SLC5A12: variants seen among roughly 807,000 people sequenced by gnomAD.
SLC5A12 encodes the protein sodium-coupled monocarboxylate transporter 2.
A neutral mutation model predicts 72.7 loss-of-function variants in SLC5A12; 46 were observed. The ratio of observed to expected loss-of-function variants is 0.63; its 90% CI spans 0.50 to 0.81. The LOEUF (loss-of-function observed/expected upper bound fraction) is 0.81, where lower values mean the gene tolerates loss of function less well. SLC5A12 is among the 30% of genes least tolerant of loss of function. The pLI is 0.00. For synonymous variants in SLC5A12, 275 were observed against 264.4 expected (o/e 1.04, Z -0.39); for missense variants, 683 against 740.7 (o/e 0.92, Z 0.90).
rs4322349 is a variant in SLC5A12, at chr11:26,711,376, A to G, written c.406-18T>C. 0.29 allele frequency: 472,288 copies of G among 1,602,766 alleles called. 72,826 individuals carry two copies. The highest frequency in any genetic ancestry group is 0.5 in the Admixed American group (29,538 of 59,524). On this transcript the variant is annotated intron_variant, in intron 2 of 14. Transcript: ENST00000396005. ...TAGAGAATCTGGTAGAGAAACAAGA[A>G]TCAGATTGGCAGTGAGAAAGGGACA...
intron 14 of SLC5A12, 106 bp from the exon 15 acceptor site, chr11:26,671,357 T>C: frequency 1.1e-6 from 1 of 872,598 alleles, no homozygotes; most frequent in East Asian, 2.9e-5. Context: ...TATATATATG[T>C]ACAAAAGAAG....
intron 14 of SLC5A12, among the ~76,000 whole-genome samples, 190 bp downstream of exon 14, chr11:26,673,212 C>T (rs1383677020): frequency 6.6e-6 from 1 of 152,168 alleles, no homozygotes; most frequent in Admixed American, 6.6e-5. Context: ...GGCACTTTTA[C>T]CTATCAACAT....
chr11:26,716,653 C>T (rs78635727), intron 1 of SLC5A12, among the ~76,000 whole-genome samples: 5 of 152,080 alleles, frequency 3.3e-5, no homozygotes, highest in Non-Finnish European at 7.4e-5. Context: ...CAGGTTGGTT[C>T]GAGCCCAAAT....
At chr11:26,704,100 G>A (rs112930470) in intron 4 of SLC5A12, among the ~76,000 whole-genome samples, 153 bp from the exon 5 acceptor site, 32 of 152,246 alleles carry the variant, frequency 2.1e-4, no homozygotes, top group Non-Finnish European at 3.5e-4. Flanking sequence ...TGTTAAGCAT[G>A]AGAACAAAAT....
At position 26,704,091 on chromosome 11, in the gene SLC5A12, G is replaced by A. The variant is rs1590732142; in HGVS notation, c.526-144C>T. 9.8e-6 allele frequency: 8 copies of A among 820,012 alleles called. No individual in the cohort carries two copies. The East Asian group carries it at 1.8e-4, about 18-fold the overall frequency. The allele number at this position is 820,012 out of a possible 1,614,324, so 50.8% of individuals were successfully genotyped here. ...GGATCTTTTATGTGCCAAGTACCATGTTAAGCATGAGAACAAAATGGAAAG... is the reference window on the plus strand; with the variant it reads ...GGATCTTTTATGTGCCAAGTACCATATTAAGCATGAGAACAAAATGGAAAG... On this transcript the variant is annotated intron_variant, in intron 4 of 14. Transcript: ENST00000396005.
chr11:26,702,793 G>A (rs981744917), intron 6 of SLC5A12, among the ~76,000 whole-genome samples: 2 of 152,062 alleles, frequency 1.3e-5, no homozygotes, highest in African/African-American at 4.8e-5. Flanking sequence ...CATCTGTTAA[G>A]TGAGCTTAAC....
chr11:26,675,947 CTGTG>C (rs373509563), intron 13 of SLC5A12, among the ~76,000 whole-genome samples: 1 of 144,360 alleles, frequency 6.9e-6, no homozygotes, highest in East Asian at 2.0e-4. Flanking sequence ...GTGTATCTAT[CTGTG>C]TGTGTGTGTG....
At chr11:26,699,441 C>T (rs1338062475) in intron 6 of SLC5A12, among the ~76,000 whole-genome samples, 1 of 152,212 alleles carries the variant, frequency 6.6e-6, no homozygotes, top group Non-Finnish European at 1.5e-5. Flanking sequence ...ACCCTTAAAT[C>T]AAAGTCCACA....
In SLC5A12 at chr11:26,703,785, G is replaced by A; in HGVS notation, c.680+8C>T. 6.2e-7 allele frequency: 1 copy of A among 1,613,600 alleles called. No individual in the cohort carries two copies. Among genetic ancestry groups the A allele is most frequent in the Non-Finnish European group, 8.5e-7 (1 of 1,179,658 alleles). ...TTGTAAAGTATGAAAAAGTTGCATT[G>A]GACATACTCAAATATATGTAGTCGA... On this transcript the variant is annotated splice_region_variant and intron_variant, in intron 5 of 14. Transcript: ENST00000396005.
At chr11:26,684,044 G>T (rs1451676864) in intron 10 of SLC5A12, among the ~76,000 whole-genome samples, 1 of 151,874 alleles carries the variant, frequency 6.6e-6, no homozygotes, top group African/African-American at 2.4e-5. Context: ...GTGTGTGTGT[G>T]TGTGTGTGTT....
chr11:26,709,941 C>T (rs912266844), intron 3 of SLC5A12, among the ~76,000 whole-genome samples: 54 of 152,070 alleles, frequency 3.6e-4, no homozygotes, highest in African/African-American at 1.3e-3. Flanking sequence ...CAGGTATACA[C>T]CTGCCATGGT....
intron 6 of SLC5A12, among the ~76,000 whole-genome samples, chr11:26,702,098 T>G (rs1037260018): frequency 6.6e-6 from 1 of 152,186 alleles, no homozygotes; most frequent in Non-Finnish European, 1.5e-5. Context: ...CCAACTATAA[T>G]CTATTTTAGA....
rs6484242 is a variant in SLC5A12, at chr11:26,670,646, A to G, written c.*456T>C. 43,152 of 152,332 alleles carry G rather than the reference A, an allele frequency of 0.28. 6,304 individuals are homozygous for G. Among genetic ancestry groups the G allele is most frequent in the East Asian group, 0.46 (2,376 of 5,126 alleles). The allele number at this position is 152,332 out of a possible 1,614,324, so 9.4% of individuals were successfully genotyped here. A position where few individuals can be genotyped will look rare whatever the true frequency, so the allele number is the denominator to read the frequency against. ...CTACATGTATGTCAGGTATGAGGTC[A>G]GGGGTGGATGTCATTCCTCTATTTT... is the stretch of plus-strand genomic sequence containing the variant. On this transcript the variant is annotated 3_prime_UTR_variant, in exon 15 of 15. Coordinates refer to ENST00000396005, the MANE Select transcript of SLC5A12 (RefSeq NM_178498.4).
chr11:26,694,912 CCAAA>C (rs1158180173), intron 8 of SLC5A12, among the ~76,000 whole-genome samples: 7 of 151,810 alleles, frequency 4.6e-5, no homozygotes, highest in Admixed American at 2.0e-4. Context: ...AATTGTGAAA[CCAAA>C]CAAATATTCC....
At chr11:26,684,215 T>A (rs1234158128) in intron 10 of SLC5A12, among the ~76,000 whole-genome samples, 1 of 152,090 alleles carries the variant, frequency 6.6e-6, no homozygotes, top group Admixed American at 6.6e-5. Flanking sequence ...TCCAGAAAGA[T>A]GGGTTACAAT....
chr11:26,671,551 T>TAAGG, intron 14 of SLC5A12, among the ~76,000 whole-genome samples: 1 of 152,096 alleles, frequency 6.6e-6, no homozygotes, highest in South Asian at 2.1e-4. Context: ...GGTAGTAGTA[T>TAAGG]TACCTTATAA....
intron 1 of SLC5A12, among the ~76,000 whole-genome samples, chr11:26,721,015 C>T (rs775062809): frequency 3.9e-5 from 6 of 152,088 alleles, no homozygotes; most frequent in Admixed American, 6.5e-5. Context: ...GGAAAATTGC[C>T]GTACTCATGA....
rs1196706993 is a variant in SLC5A12 at position 26,668,285 on chromosome 11, T to G, written c.*2817A>C. ...TATTGAGGTAATTCTGTTCCATTTT[T>G]ACCAATATCTGTGGTTGTGCTTTAA... On this transcript the variant is annotated 3_prime_UTR_variant, in exon 15 of 15. Coordinates refer to ENST00000396005, the MANE Select transcript of SLC5A12 (RefSeq NM_178498.4). The G allele has an allele frequency of 6.6e-6, 1 of 152,056 alleles. No homozygotes were observed. Among genetic ancestry groups the G allele is most frequent in the Non-Finnish European group, 1.5e-5 (1 of 67,976 alleles). The allele number at this position is 152,056 out of a possible 1,614,324, so 9.4% of individuals were successfully genotyped here.
rs1854075748 is a variant in SLC5A12, at chr11:26,669,190, TC to T, written c.*1911del. 1 of 131,832 alleles carries T rather than the reference TC, an allele frequency of 7.6e-6. No individual in the cohort carries two copies. The highest frequency in any genetic ancestry group is 1.6e-5 in the Non-Finnish European group (1 of 62,998). The allele number at this position is 131,832 out of a possible 1,614,324, so 8.2% of individuals were successfully genotyped here. ...CTTTTTCTTTCTTTCTTTCTTCTTT[TC>T]TTTCTTTCTTTCTTTCTTTCTTTCT... On this transcript the variant is annotated 3_prime_UTR_variant, in exon 15 of 15. Transcript: ENST00000396005.
Sources: allele counts gnomAD v4.1 joint callset (sites outside exome capture counted in the v4.1 genomes callset), GRCh38; gene constraint gnomAD v4.1.1; transcripts MANE v1.5; gene names NCBI Gene and HGNC (gene_info 2026-07-23, HGNC 2026-07-21).